The following ICA1L variants were observed in gnomAD, a reference collection of about 807,000 sequenced individuals.
ICA1L encodes the protein islet cell autoantigen 1 like.
A neutral mutation model predicts 61.3 loss-of-function variants in ICA1L; 50 were observed. That is an observed-to-expected ratio of 0.82 (90% CI 0.65 to 1.03). ICA1L has a LOEUF of 1.03. Ranked by LOEUF, ICA1L falls within the 50% of genes least tolerant of loss-of-function variation. The pLI, the probability that ICA1L is intolerant of heterozygous loss-of-function variation, is 0.00. For missense variants in ICA1L, 508 were observed against 556.7 expected (o/e 0.91, Z 0.88); for synonymous variants, 161 against 191.3 (o/e 0.84, Z 1.31).
intron 1 of ICA1L, among the ~76,000 whole-genome samples, chr2:202,864,247 AT>A (rs879707202): frequency 1.0e-3 from 148 of 146,558 alleles, no homozygotes; most frequent in East Asian, 2.6e-3. Flanking sequence ...TTACAGATCA[AT>A]TTTTTTTTTT....
intron 8 of ICA1L, among the ~76,000 whole-genome samples, chr2:202,814,275 C>A (rs1369061093): frequency 6.6e-6 from 1 of 152,060 alleles, no homozygotes; most frequent in African/African-American, 2.4e-5. Context: ...GTGCCTTTTT[C>A]ATGGTAATGA....
intron 10 of ICA1L, among the ~76,000 whole-genome samples, 176 bp from the exon 11 acceptor site, chr2:202,789,263 G>C (rs926799903): frequency 6.6e-6 from 1 of 152,036 alleles, no homozygotes; most frequent in African/African-American, 2.4e-5. Flanking sequence ...GCAGGATTTA[G>C]GTCAAAATGG....
chr2:202,779,521 T>C lies in ICA1L; in HGVS notation c.*12A>G, dbSNP rs1287534195. 1.3e-6 allele frequency: 2 copies of C among 1,490,438 alleles called. No homozygotes were observed. Among genetic ancestry groups the C allele is most frequent in the Admixed American group, 3.5e-5 (2 of 57,548 alleles). The allele number at this position is 1,490,438 out of a possible 1,614,324, so 92.3% of individuals were successfully genotyped here. On this transcript the variant is annotated 3_prime_UTR_variant, in exon 13 of 13. Coordinates refer to ENST00000358299, the MANE Select transcript of ICA1L (RefSeq NM_001288622.3). ...ATGTCTCAAGGCCACTGAAGTGACA[T>C]TATAACTTCAGTCAAGCATTAAGAA...
chr2:202,821,740 G>A (rs867792324), intron 3 of ICA1L: 4 of 214,074 alleles, frequency 1.9e-5, no homozygotes, highest in Middle Eastern at 3.3e-3. Flanking sequence ...CTTTGAGAAG[G>A]ACTGATTTTT....
At chr2:202,782,477 A>T (rs934497879) in intron 12 of ICA1L, among the ~76,000 whole-genome samples, 2 of 150,722 alleles carry the variant, frequency 1.3e-5, no homozygotes, top group Non-Finnish European at 1.5e-5. Context: ...GTATGATCTC[A>T]GCTCACTGCA....
At chr2:202,815,306 A>G (rs1269560292) in intron 7 of ICA1L, among the ~76,000 whole-genome samples, 1 of 152,230 alleles carries the variant, frequency 6.6e-6, no homozygotes, top group Non-Finnish European at 1.5e-5. Context: ...AATATGCAAG[A>G]TATGAGCCTA....
chr2:202,835,431 C>A (rs1356694342), intron 1 of ICA1L, among the ~76,000 whole-genome samples: 2 of 151,684 alleles, frequency 1.3e-5, no homozygotes, highest in African/African-American at 4.8e-5. Flanking sequence ...GTCTCAAACT[C>A]TTGACCTCAA....
Position 202,831,342 on chromosome 2 carries a change from C to T in ICA1L, c.-7-2326G>A, listed in dbSNP as rs567309284. Among the ~76,000 whole-genome samples, 6 of 152,278 alleles carry T rather than the reference C, an allele frequency of 3.9e-5. No homozygotes were observed. In the South Asian group the frequency reaches 8.3e-4, roughly 21 times the overall value. On this transcript the variant is annotated intron_variant, in intron 1 of 12. Transcript: ENST00000358299. Reference sequence around the variant, plus strand: ...CATTATACTGTCCTGACACATCAAGCGTCTTGAGAGAAACTTAGTTTTTCT... The same window carrying T: ...CATTATACTGTCCTGACACATCAAGTGTCTTGAGAGAAACTTAGTTTTTCT...
intron 2 of ICA1L, 49 bp downstream of exon 2, chr2:202,828,799 C>A (rs778112464): frequency 6.7e-7 from 1 of 1,490,772 alleles, no homozygotes; most frequent in East Asian, 2.3e-5. Flanking sequence ...CCCCTTGGAG[C>A]CCCAAATAAT....
intron 1 of ICA1L, among the ~76,000 whole-genome samples, chr2:202,864,787 T>C (rs780498381): frequency 3.3e-5 from 5 of 151,546 alleles, no homozygotes; most frequent in Admixed American, 6.6e-5. Context: ...AGGAGGCTGA[T>C]GTGGGTGGAT....
At chr2:202,827,892 A>T (rs1160300159) in intron 2 of ICA1L, among the ~76,000 whole-genome samples, 1 of 152,178 alleles carries the variant, frequency 6.6e-6, no homozygotes, top group Non-Finnish European at 1.5e-5. Context: ...TTAGACTCAT[A>T]TTTTTAAGAA....
chr2:202,786,304 T>A (rs889875979), intron 11 of ICA1L, among the ~76,000 whole-genome samples: 4 of 151,460 alleles, frequency 2.6e-5, no homozygotes, highest in Non-Finnish European at 5.9e-5. Context: ...CCCAGCACTT[T>A]GGGAGGCCGA....
rs748707439 is a variant in ICA1L at position 202,779,556 on chromosome 2, C to CTGAG, written c.1422_1425dup (p.Asp476LeufsTer3). On this transcript the variant is annotated frameshift_variant, in exon 13 of 13. Transcript: ENST00000358299. LOFTEE classifies it high-confidence loss of function. ...AGTCAAGCATTAAGAAGTTCATCAT[C>CTGAG]TGAGTGTCCAATAGCATCTGGGTTT... 3.0e-5 allele frequency: 49 copies of CTGAG among 1,608,324 alleles called. No homozygotes were observed. Among genetic ancestry groups the CTGAG allele is most frequent in the South Asian group, 1.1e-5 (1 of 90,558 alleles).
intron 5 of ICA1L, among the ~76,000 whole-genome samples, chr2:202,818,020 C>T (rs1251458245): frequency 6.6e-6 from 1 of 152,080 alleles, no homozygotes; most frequent in African/African-American, 2.4e-5. Context: ...TGTGAATACT[C>T]AACCTTTTAA....
At chr2:202,785,786 TTAA>T (rs1311898213) in intron 12 of ICA1L, 129 bp downstream of exon 12, 95 of 540,700 alleles carry the variant, frequency 1.8e-4, no homozygotes, top group African/African-American at 1.7e-3. Context: ...AGCTTTCATT[TTAA>T]TAATAATCAT....
In ICA1L at chr2:202,788,869, G is replaced by A; in HGVS notation, c.1204C>T (p.Leu402Phe). The A allele has an allele frequency of 1.2e-6, 2 of 1,614,132 alleles. No homozygotes were observed. Among genetic ancestry groups the A allele is most frequent in the East Asian group, 2.2e-5 (1 of 44,884 alleles). Residue 402 changes from leucine to phenylalanine, a missense_variant, in exon 11 of 13, where the codon CTC becomes TTC. Transcript: ENST00000358299. Reference protein sequence around the residue: ...AHSSRFLPSQLFDLGFHVAGA... With the variant: ...AHSSRFLPSQFFDLGFHVAGA... ...GCCACATGAAAGCCAAGGTCAAAGA[G>A]TTGTGAAGGAAGGAATCGAGAAGAA...
chr2:202,821,568 C>T, intron 3 of ICA1L, 87 bp from the exon 4 acceptor site: 1 of 957,598 alleles, frequency 1.0e-6, no homozygotes, highest in Non-Finnish European at 1.5e-6. Flanking sequence ...ACAGCAATAA[C>T]TCTCTATACA....
rs1462555700 is a variant in ICA1L, at chr2:202,862,272, C to CCAAAAAAAAAAAAAAAAAAAAA, written c.-8+9346_-8+9347insTTTTTTTTTTTTTTTTTTTTTG. ...GCAACACAGTAAGACCTCATTTCTA[C>CCAAAAAAAAAAAAAAAAAAAAA]AAAAAAAAAAAAAAAAAAAAAAAAA... is the stretch of plus-strand genomic sequence containing the variant. On this transcript the variant is annotated intron_variant, in intron 1 of 12. Transcript: ENST00000358299. Among the ~76,000 whole-genome samples, 3 of 62,978 alleles carry CCAAAAAAAAAAAAAAAAAAAAA rather than the reference C, an allele frequency of 4.8e-5. 1 individual carries two copies. Among genetic ancestry groups the CCAAAAAAAAAAAAAAAAAAAAA allele is most frequent in the South Asian group, 1.2e-3 (2 of 1,672 alleles). 41.3% of individuals were successfully genotyped at this position (62,978 alleles called of 152,430 possible).
chr2:202,846,102 T>C (rs934139936), intron 1 of ICA1L, among the ~76,000 whole-genome samples: 5 of 152,192 alleles, frequency 3.3e-5, no homozygotes, highest in Non-Finnish European at 5.9e-5. Context: ...AGTGGGATCA[T>C]GGATGACAGT....
Sources: gnomAD v4.1 joint callset for allele counts (sites outside exome capture counted in the v4.1 genomes callset) on GRCh38, gnomAD v4.1.1 for gene constraint, MANE v1.5 for transcripts, NCBI Gene and HGNC (gene_info 2026-07-23, HGNC 2026-07-21) for gene names.